The following STXBP5 variants were observed in gnomAD, a reference collection of about 807,000 sequenced individuals.
STXBP5 encodes syntaxin-binding protein 5.
In STXBP5, 50 loss-of-function variants were observed where a neutral mutation model predicts 152.4. That is an observed-to-expected ratio of 0.33 (90% CI 0.26 to 0.42). The LOEUF (loss-of-function observed/expected upper bound fraction) is 0.42. STXBP5 is among the 10% of genes least tolerant of loss of function. STXBP5 has a pLI of 1.00. For synonymous variants in STXBP5, 492 were observed against 494.7 expected (o/e 0.99, Z 0.07); for missense variants, 1,167 against 1,388.6 (o/e 0.84, Z 2.54).
rs1312642235 is a variant in STXBP5, at chr6:147,260,715, GGCTACGTCATTATGTGGAATAAAGCCATT to G, written c.534_562del (p.Tyr179ThrfsTer4). On this transcript the variant is annotated frameshift_variant, in exon 5 of 28. Coordinates refer to ENST00000321680, the MANE Select transcript of STXBP5 (RefSeq NM_001127715.4). LOFTEE classifies it high-confidence loss of function. ...CAATGTGGAGTCCTTCACACTCTCA[GGCTACGTCATTATGTGGAATAAAGCCATT>G]GAACTGTGAGTTTGAACAAATATTT... 6.2e-7 allele frequency: 1 copy of G among 1,613,544 alleles called. No individual in the cohort carries two copies. The highest frequency in any genetic ancestry group is 1.7e-5 in the Admixed American group (1 of 59,968).
chr6:147,230,285 T>C (rs892630348), intron 2 of STXBP5, among the ~76,000 whole-genome samples: 1 of 151,940 alleles, frequency 6.6e-6, no homozygotes, highest in Non-Finnish European at 1.5e-5. Flanking sequence ...CGTGGAGATA[T>C]TCGTAAGGAG....
intron 17 of STXBP5, among the ~76,000 whole-genome samples, chr6:147,326,035 A>G (rs1324075987): frequency 6.6e-6 from 1 of 152,194 alleles, no homozygotes; most frequent in Non-Finnish European, 1.5e-5. Flanking sequence ...ATTTTATGCC[A>G]TTTTGTATTG....
Position 147,359,444 on chromosome 6 carries a change from G to A in STXBP5, c.2545+121G>A, listed in dbSNP as rs753088012. 1.4e-5 allele frequency: 17 copies of A among 1,187,120 alleles called. No homozygotes were observed. The Admixed American group carries it at 5.0e-4, about 35-fold the overall frequency. The allele number at this position is 1,187,120 out of a possible 1,614,324, so 73.5% of individuals were successfully genotyped here. The stretch of plus-strand genomic sequence containing the variant: ...AAAATGTAAAGTAAATGGGGACAGT[G>A]ATGGCCTTATTTATTTATTTTTTTA... On this transcript the variant is annotated intron_variant, in intron 23 of 27. Transcript: ENST00000321680.
chr6:147,228,145 T>G (rs1562422672), intron 2 of STXBP5, among the ~76,000 whole-genome samples: 1 of 151,534 alleles, frequency 6.6e-6, no homozygotes, highest in East Asian at 1.9e-4. Context: ...TTGCCTTGTT[T>G]TGTGTGTGTG....
chr6:147,213,140 TG>T (rs1176024186), intron 2 of STXBP5, among the ~76,000 whole-genome samples: 23 of 152,294 alleles, frequency 1.5e-4, no homozygotes, highest in African/African-American at 5.5e-4. Flanking sequence ...TAATAATTGC[TG>T]GGCATGTACA....
intron 2 of STXBP5, 66 bp from the exon 3 acceptor site, chr6:147,235,184 T>C (rs1778208086): frequency 7.4e-7 from 1 of 1,354,168 alleles, no homozygotes; most frequent in African/African-American, 1.4e-5. Flanking sequence ...ATCAGCCTAT[T>C]ATATAACTTA....
chr6:147,250,604 G>T (rs938744382), intron 4 of STXBP5, among the ~76,000 whole-genome samples: 2 of 152,170 alleles, frequency 1.3e-5, no homozygotes, highest in East Asian at 3.9e-4. Flanking sequence ...TGGATACCAA[G>T]GTAGAACAGT....
intron 8 of STXBP5, among the ~76,000 whole-genome samples, chr6:147,286,177 A>G (rs1780952325): frequency 6.6e-6 from 1 of 152,064 alleles, no homozygotes. Flanking sequence ...CTCCCACCTC[A>G]ACAATCCTTT....
At chr6:147,241,437 C>T (rs1778536487) in intron 4 of STXBP5, among the ~76,000 whole-genome samples, 1 of 152,142 alleles carries the variant, frequency 6.6e-6, no homozygotes, top group African/African-American at 2.4e-5. Flanking sequence ...TATGTGTCAC[C>T]TGTTTATCCA....
chr6:147,382,050 A>C (rs757446881), intron 26 of STXBP5, among the ~76,000 whole-genome samples: 5 of 152,140 alleles, frequency 3.3e-5, no homozygotes, highest in Non-Finnish European at 7.4e-5. Context: ...ATATTTAAAG[A>C]AAAAGGAAAG....
At chr6:147,338,311 G>A (rs948380676) in intron 19 of STXBP5, among the ~76,000 whole-genome samples, 2 of 152,000 alleles carry the variant, frequency 1.3e-5, no homozygotes, top group African/African-American at 4.8e-5. Context: ...AGCATCATAT[G>A]AGAAATATAT....
At chr6:147,215,305 T>C (rs900583741) in intron 2 of STXBP5, among the ~76,000 whole-genome samples, 1 of 152,248 alleles carries the variant, frequency 6.6e-6, no homozygotes, top group Non-Finnish European at 1.5e-5. Context: ...TAAACTTCAT[T>C]AGTAGCACTT....
chr6:147,278,287 GT>G, intron 8 of STXBP5, 83 bp downstream of exon 8: 1 of 1,335,160 alleles, frequency 7.5e-7, no homozygotes, highest in Non-Finnish European at 9.9e-7. Context: ...TGATTTGTTT[GT>G]TTGATTTTTA....
intron 16 of STXBP5, among the ~76,000 whole-genome samples, chr6:147,324,372 A>C (rs1204425958): frequency 7.0e-6 from 1 of 143,648 alleles, no homozygotes; most frequent in Non-Finnish European, 1.5e-5. Context: ...TCCCGGGTTC[A>C]AGCGATTCTC....
intron 22 of STXBP5, among the ~76,000 whole-genome samples, chr6:147,355,657 G>A (rs1784783756): frequency 6.6e-6 from 1 of 152,098 alleles, no homozygotes; most frequent in Non-Finnish European, 1.5e-5. Flanking sequence ...GTCATTCTGA[G>A]CAAGTCACTT....
At chr6:147,301,625 T>G (rs566165526) in intron 9 of STXBP5, among the ~76,000 whole-genome samples, 1 of 152,366 alleles carries the variant, frequency 6.6e-6, no homozygotes, top group South Asian at 2.1e-4. Flanking sequence ...TTATCTTTAG[T>G]CTCTCAAAAC....
At chr6:147,339,690 G>A (rs1383081403) in intron 21 of STXBP5, among the ~76,000 whole-genome samples, 1 of 151,890 alleles carries the variant, frequency 6.6e-6, no homozygotes, top group Non-Finnish European at 1.5e-5. Flanking sequence ...ATACTCCGAA[G>A]TTTTGAAGCA....
intron 23 of STXBP5, 61 bp from the exon 24 acceptor site, chr6:147,363,274 T>A: frequency 6.8e-7 from 1 of 1,478,248 alleles, no homozygotes; most frequent in Non-Finnish European, 9.0e-7. Context: ...AAAGTTAGAA[T>A]AAACGTGTTT....
At chr6:147,314,537 A>T (rs1190928749) in intron 13 of STXBP5, 59 bp from the exon 14 acceptor site, 39 of 1,562,838 alleles carry the variant, frequency 2.5e-5, no homozygotes, top group Non-Finnish European at 3.2e-5. Flanking sequence ...AGCAGTACCC[A>T]TTTAAAGAAG....
Sources: gnomAD v4.1 joint callset for allele counts (sites outside exome capture counted in the v4.1 genomes callset) on GRCh38, gnomAD v4.1.1 for gene constraint, MANE v1.5 for transcripts, NCBI Gene and HGNC (gene_info 2026-07-23, HGNC 2026-07-21) for gene names.